FMNL1: variants seen among roughly 807,000 people sequenced by gnomAD.
FMNL1 encodes formin-like protein 1.
Under a neutral mutation model 121.3 loss-of-function variants are expected in FMNL1, and 43 were observed. The observed-to-expected ratio is 0.35, with a 90% CI of 0.28 to 0.46. The LOEUF (loss-of-function observed/expected upper bound fraction) is 0.46. Ranked by LOEUF, FMNL1 falls within the 20% of genes least tolerant of loss-of-function variation. The pLI, the probability that FMNL1 is intolerant of heterozygous loss-of-function variation, is 1.00. For synonymous variants in FMNL1, 613 were observed against 613.5 expected, an observed-to-expected ratio of 1.00 and a Z score of 0.01; for missense variants, 1,191 against 1,482.4, an observed-to-expected ratio of 0.80 and a Z score of 3.23.
rs765968417 is a variant in FMNL1 at position 45,237,756 on chromosome 17, G to C, written c.894+117G>C. On this transcript the variant is annotated intron_variant, in intron 9 of 26. Coordinates refer to ENST00000331495, the MANE Select transcript of FMNL1 (RefSeq NM_005892.4). This position sits in a 1 kb window ranked among gnomAD's most constrained non-coding sequence, Gnocchi z 4.4. ...TGGGGACATTGGGTGGGCATTTGGG[G>C]AACGCCCAAAAGTTGAAGTTGAGCC... The C allele has an allele frequency of 1.9e-3, 2,090 of 1,126,192 alleles. 10 individuals are homozygous for C. Among genetic ancestry groups the C allele is most frequent in the South Asian group, 5.4e-3 (389 of 72,512 alleles). The allele number at this position is 1,126,192 out of a possible 1,614,324, so 69.8% of individuals were successfully genotyped here.
At position 45,231,933 on chromosome 17, in the gene FMNL1, C is replaced by T. The variant is rs1261419073; in HGVS notation, c.214-434C>T. 6.6e-6 allele frequency among the ~76,000 whole-genome samples: 1 copy of T among 152,188 alleles called. No homozygotes were observed. The highest frequency in any genetic ancestry group is 1.5e-5 in the Non-Finnish European group (1 of 68,040). On this transcript the variant is annotated intron_variant, in intron 2 of 26. Transcript: ENST00000331495. This position sits in a 1 kb window ranked among gnomAD's most constrained non-coding sequence, Gnocchi z 4.7. ...ACGGCAGGACTGACCCCTGCATAGT[C>T]CACCCCAAAGCTGTGTCAGGGCTGT...
At position 45,246,958 on chromosome 17, in the gene FMNL1, C is replaced by T. The variant is rs1467100741; in HGVS notation, c.*100C>T. ...GCCCCCCACTGCAGGTCACCTCCGA[C>T]CTCTCGCTGTAGCCGCTATTTCTGC... On this transcript the variant is annotated 3_prime_UTR_variant, in exon 27 of 27. Coordinates refer to ENST00000331495, the MANE Select transcript of FMNL1 (RefSeq NM_005892.4). The T allele has an allele frequency of 1.3e-6, 1 of 749,808 alleles. No individual in the cohort carries two copies. Among genetic ancestry groups the T allele is most frequent in the Non-Finnish European group, 2.4e-6 (1 of 411,418 alleles). The allele number at this position is 749,808 out of a possible 1,614,324, so 46.4% of individuals were successfully genotyped here.
Position 45,232,363 on chromosome 17 carries a change from C to T in FMNL1, c.214-4C>T. The T allele has an allele frequency of 6.2e-7, 1 of 1,613,676 alleles. No homozygotes were observed. The highest frequency in any genetic ancestry group is 1.1e-5 in the South Asian group (1 of 91,048). On this transcript the variant is annotated splice_polypyrimidine_tract_variant and splice_region_variant and intron_variant, in intron 2 of 26. Coordinates refer to ENST00000331495, the MANE Select transcript of FMNL1 (RefSeq NM_005892.4). ...TTTCTGTACACCCCATTCCATCTCC[C>T]CAGGAGCGGTTTCAAGTCAAGAATC...
intron 1 of FMNL1, 30 bp downstream of exon 1, chr17:45,222,283 C>G: frequency 8.6e-7 from 1 of 1,163,740 alleles, no homozygotes; most frequent in Non-Finnish European, 1.1e-6. Context: ...GGGTCGGGCG[C>G]GGGCGGGGGG....
chr17:45,233,534 T>C lies in FMNL1; in HGVS notation c.402-114T>C, dbSNP rs1038920101. The C allele has an allele frequency of 9.1e-6, 11 of 1,214,316 alleles. No homozygotes were observed. The highest frequency in any genetic ancestry group is 4.7e-5 in the East Asian group (2 of 42,264). The allele number at this position is 1,214,316 out of a possible 1,614,324, so 75.2% of individuals were successfully genotyped here. A position where few individuals can be genotyped will look rare whatever the true frequency, so the allele number is the denominator to read the frequency against. ...AGTCTCCCAGAATCCTTTGGTATCA[T>C]TGGGTCTTTGGGGGTTGAAAGGGCA... On this transcript the variant is annotated intron_variant, in intron 4 of 26. Transcript: ENST00000331495. The surrounding 1 kb of genome is among the most constrained non-coding windows in gnomAD (Gnocchi z 4.1).
intron 1 of FMNL1, among the ~76,000 whole-genome samples, chr17:45,224,367 G>A (rs1365171818): frequency 6.6e-6 from 1 of 152,128 alleles, no homozygotes; most frequent in Non-Finnish European, 1.5e-5. Flanking sequence ...AGAGTTGGTC[G>A]CTATGTGAAC....
Position 45,241,736 on chromosome 17 carries a change from T to G in FMNL1, c.1585+102T>G, listed in dbSNP as rs566228517. 34 of 1,431,770 alleles carry G rather than the reference T, an allele frequency of 2.4e-5. No homozygotes were observed. The African/African-American group carries it at 4.2e-4, about 18-fold the overall frequency. 88.7% of individuals were successfully genotyped at this position (1,431,770 alleles called of 1,614,324 possible). A position where few individuals can be genotyped will look rare whatever the true frequency, so the allele number is the denominator to read the frequency against. ...AGTTGGGCGAGGGAGGTTTGGATTG[T>G]AGGCTCGGCTCAGGTAGGAGCGCAT... On this transcript the variant is annotated intron_variant, in intron 14 of 26. Transcript: ENST00000331495. This position sits in a 1 kb window ranked among gnomAD's most constrained non-coding sequence, Gnocchi z 7.0.
chr17:45,236,406 G>A (rs2043550837), intron 7 of FMNL1, 162 bp downstream of exon 7: 3 of 577,216 alleles, frequency 5.2e-6, no homozygotes, highest in Non-Finnish European at 9.1e-6. Flanking sequence ...AGGCTGATGA[G>A]TCTTGAGGGG....
rs1362802921 is a variant in FMNL1, at chr17:45,237,517, A to G, written c.801-29A>G. On this transcript the variant is annotated intron_variant, in intron 8 of 26. Transcript: ENST00000331495. This position sits in a 1 kb window ranked among gnomAD's most constrained non-coding sequence, Gnocchi z 4.4. ...CTTGCCGCGGGTCCTGCCTGTTCTC[A>G]AGGGACAACCTGCCCCTTCTCTCTC... 4.3e-6 allele frequency: 7 copies of G among 1,613,678 alleles called. No homozygotes were observed. The highest frequency in any genetic ancestry group is 1.3e-5 in the African/African-American group (1 of 74,848).
intron 22 of FMNL1, 60 bp downstream of exon 22, chr17:45,245,476 C>T (rs369612099): frequency 6.8e-6 from 11 of 1,610,242 alleles, no homozygotes; most frequent in Middle Eastern, 3.3e-4. Context: ...ATAGCACAGC[C>T]TGGAGGGGTG....
chr17:45,235,904 T>A (rs1411407884), intron 6 of FMNL1, among the ~76,000 whole-genome samples: 2 of 152,272 alleles, frequency 1.3e-5, no homozygotes, highest in Middle Eastern at 3.4e-3. Context: ...CCCTACCAAG[T>A]CCCTGGGAAG....
chr17:45,244,162 C>G lies in FMNL1; in HGVS notation c.2449-14C>G. The G allele has an allele frequency of 2.5e-6, 4 of 1,612,602 alleles. No individual in the cohort carries two copies. The highest frequency in any genetic ancestry group is 1.1e-5 in the South Asian group (1 of 90,732). ...AGGCTCCAACTTATCTTACCTCCCC[C>G]ATCCCACCCCCAGCAACTGAATGCC... is the stretch of plus-strand genomic sequence containing the variant. On this transcript the variant is annotated splice_polypyrimidine_tract_variant and intron_variant, in intron 18 of 26. Coordinates refer to ENST00000331495, the MANE Select transcript of FMNL1 (RefSeq NM_005892.4).
chr17:45,232,388 C>G lies in FMNL1; in HGVS notation c.235C>G (p.Pro79Ala), dbSNP rs1295137518. Reference protein sequence around the residue: ...CDQERFQVKNPPAAYIQKLKS... With the variant: ...CDQERFQVKNAPAAYIQKLKS... ...CCAGGAGCGGTTTCAAGTCAAGAAT[C>G]CCCCCGCAGCCTACATCCAGAAGCT... Residue 79 changes from proline (P) to alanine (A), a missense_variant, in exon 3 of 27, where the codon CCC (proline) becomes GCC (alanine). Around this residue, in one of 4 missense-constraint regions of FMNL1, gnomAD observed 253 missense variants for 417.5 expected, o/e 0.61. Transcript: ENST00000331495. 6.2e-7 allele frequency: 1 copy of G among 1,613,488 alleles called. No individual in the cohort carries two copies. Among genetic ancestry groups the G allele is most frequent in the Admixed American group, 1.7e-5 (1 of 59,878 alleles).
At chr17:45,242,302 C>G (rs771581881) in intron 15 of FMNL1, 39 bp from the exon 16 acceptor site, 1 of 1,606,678 alleles carries the variant, frequency 6.2e-7, no homozygotes, top group African/African-American at 1.3e-5. Context: ...TCCAGTAGTA[C>G]CCCCAGTGCT....
At chr17:45,243,460 C>T (rs2043755733) in intron 17 of FMNL1, 140 bp downstream of exon 17, 2 of 1,064,682 alleles carry the variant, frequency 1.9e-6, no homozygotes, top group South Asian at 3.3e-5. Flanking sequence ...GAAACTTGTC[C>T]CCATTTTAAG....
chr17:45,227,426 G>A (rs1336683991), intron 1 of FMNL1, among the ~76,000 whole-genome samples: 1 of 152,102 alleles, frequency 6.6e-6, no homozygotes, highest in East Asian at 1.9e-4. Flanking sequence ...CACACTCAGG[G>A]CAGGGAGGGA....
intron 16 of FMNL1, 58 bp downstream of exon 16, chr17:45,242,523 G>C: frequency 1.3e-6 from 2 of 1,582,458 alleles, no homozygotes; most frequent in Non-Finnish European, 1.7e-6. Flanking sequence ...GAGTTGCCTG[G>C]ATCAGGCTGG....
chr17:45,237,482 T>C lies in FMNL1; in HGVS notation c.801-64T>C, dbSNP rs982070059. The stretch of plus-strand genomic sequence containing the variant: ...CCACTATGCTCCTCCTAGCCAGGCC[T>C]GTGCCCACCCTTGCCGCGGGTCCTG... On this transcript the variant is annotated intron_variant, in intron 8 of 26. Coordinates refer to ENST00000331495, the MANE Select transcript of FMNL1 (RefSeq NM_005892.4). The surrounding 1 kb of genome is among the most constrained non-coding windows in gnomAD (Gnocchi z 4.4). 1.2e-6 allele frequency: 2 copies of C among 1,609,896 alleles called. No homozygotes were observed. Among genetic ancestry groups the C allele is most frequent in the African/African-American group, 2.7e-5 (2 of 74,866 alleles).
At chr17:45,234,501 C>T in intron 6 of FMNL1, 1 of 378,156 alleles carries the variant, frequency 2.6e-6, no homozygotes, top group Non-Finnish European at 5.1e-6. Flanking sequence ...CCCATCTCTA[C>T]TAAAATACAA....
Sources: gnomAD v4.1 joint callset for allele counts (sites outside exome capture counted in the v4.1 genomes callset) on GRCh38, gnomAD v4.1.1 for gene constraint, gnomAD v4.1.1 regional missense constraint, Gnocchi (gnomAD v3.1) non-coding constraint, MANE v1.5 for transcripts, NCBI Gene and HGNC (gene_info 2026-07-23, HGNC 2026-07-21) for gene names.